The following ASPG variants were observed in gnomAD, a reference collection of about 807,000 sequenced individuals.
The protein encoded by ASPG is asparaginase.
In ASPG, 53 loss-of-function variants were observed where a neutral mutation model predicts 63.2. The ratio of observed to expected loss-of-function variants is 0.84; its 90% CI spans 0.67 to 1.05. ASPG has a LOEUF of 1.05. Among genes scored for constraint, ASPG ranks in the 50% least tolerant of loss-of-function variants. The pLI, the probability that ASPG is intolerant of heterozygous loss-of-function variation, is 0.00. For synonymous variants in ASPG, 370 were observed against 355.0 expected (o/e 1.04, Z -0.48); for missense variants, 741 against 794.4 (o/e 0.93, Z 0.81).
chr14:104,111,281 G>A (rs2037373275), intron 13 of ASPG: 4 of 848,034 alleles, frequency 4.7e-6, no homozygotes, highest in Non-Finnish European at 5.7e-6. Flanking sequence ...GTTTGCGCAT[G>A]TGTACCCGAC....
chr14:104,111,276 C>G, intron 13 of ASPG: 1 of 856,876 alleles, frequency 1.2e-6, no homozygotes, highest in Non-Finnish European at 1.4e-6. Flanking sequence ...TGTATGTTTG[C>G]GCATGTGTAC....
chr14:104,093,898 G>A (rs2036477843), intron 3 of ASPG, among the ~76,000 whole-genome samples: 1 of 148,174 alleles, frequency 6.7e-6, no homozygotes, highest in Admixed American at 6.7e-5. Context: ...GGGTGGGGCT[G>A]TGTTGTGAGT....
intron 9 of ASPG, 134 bp downstream of exon 9, chr14:104,104,869 G>A: frequency 1.3e-6 from 1 of 749,412 alleles, no homozygotes; most frequent in East Asian, 2.8e-5. Flanking sequence ...GGAAGGGGAG[G>A]GATGTGGCTC....
rs373991126 is a variant in ASPG, at chr14:104,098,913, C to T, written c.574C>T (p.Arg192Trp). Reference protein sequence around the residue: ...RGNRATKVDARRFAAFCSPNL... With the variant: ...RGNRATKVDAWRFAAFCSPNL... ...CAACCGGGCAACCAAGGTAGACGCT[C>T]GGAGGTTCGCAGCTTTCTGCTCCCC... The change falls in exon 6 of 16, where the codon CGG becomes TGG. Residue 192 changes from arginine (R) to tryptophan (W), a missense_variant. Arg to Trp is a moderately radical substitution (Grantham distance 101, BLOSUM62 -3). Transcript: ENST00000551177. 161 of 1,610,752 alleles carry T rather than the reference C, an allele frequency of 1.0e-4. No homozygotes were observed. The African/African-American group carries it at 1.0e-3, about 10-fold the overall frequency.
At position 104,110,467 on chromosome 14, in the gene ASPG, G is replaced by A; in HGVS notation, c.1521-1035G>A. ...GAGGCAGTAGTCAGGTCCTGTGGGA[G>A]CTGGGACCAGAACCCTGGTCCAGGA... On this transcript the variant is annotated intron_variant, in intron 13 of 15. Transcript: ENST00000551177. The surrounding 1 kb of genome is among the most constrained non-coding windows in gnomAD (Gnocchi z 4.7). 3 of 985,352 alleles carry A rather than the reference G, an allele frequency of 3.0e-6. No homozygotes were observed. In the South Asian group the frequency reaches 1.4e-4, roughly 46 times the overall value. 61.0% of individuals were successfully genotyped at this position (985,352 alleles called of 1,614,324 possible).
intron 3 of ASPG, 142 bp from the exon 4 acceptor site, chr14:104,095,388 AG>A: frequency 8.4e-7 from 1 of 1,191,214 alleles, no homozygotes; most frequent in African/African-American, 1.5e-5. Flanking sequence ...CTAATCTTCC[AG>A]AGAGGGACTT....
At chr14:104,096,836 C>G (rs1334653959) in intron 4 of ASPG, among the ~76,000 whole-genome samples, 1 of 152,196 alleles carries the variant, frequency 6.6e-6, no homozygotes, top group Admixed American at 6.5e-5. Context: ...ACTGCCACCC[C>G]CTGCCAGGGC....
Position 104,093,549 on chromosome 14 carries a change from G to A in ASPG, c.250G>A (p.Asp84Asn), listed in dbSNP as rs763349987. Residue 84 changes from aspartate to asparagine, a missense_variant, in exon 3 of 16, where the codon GAC (aspartate) becomes AAC (asparagine). Transcript: ENST00000551177. The part of the protein sequence containing the change: ...YTVLECQPLF[D>N]SSDMTIAEWV... The stretch of plus-strand genomic sequence containing the variant: ...CGTGCTGGAGTGCCAGCCCCTCTTC[G>A]ACTCCAGTGACATGACCATCGCTGA... The A allele has an allele frequency of 5.0e-6, 8 of 1,612,608 alleles. No individual in the cohort carries two copies. Among genetic ancestry groups the A allele is most frequent in the Non-Finnish European group, 5.9e-6 (7 of 1,179,758 alleles).
chr14:104,095,701 G>A, intron 4 of ASPG, 45 bp downstream of exon 4: 3 of 1,609,442 alleles, frequency 1.9e-6, no homozygotes, highest in Non-Finnish European at 2.5e-6. Context: ...GGCTTCCTGA[G>A]GCCACAGGGC....
intron 2 of ASPG, 176 bp from the exon 3 acceptor site, chr14:104,093,315 G>A (rs777319917): frequency 1.0e-5 from 7 of 680,602 alleles, no homozygotes; most frequent in Non-Finnish European, 1.9e-5. Context: ...GGAGCTCCAG[G>A]TGGAAGGGGG....
At chr14:104,105,565 G>A in intron 10 of ASPG, 115 bp downstream of exon 10, 3 of 1,368,714 alleles carry the variant, frequency 2.2e-6, no homozygotes, top group East Asian at 5.2e-5. Context: ...AGCCCAAACA[G>A]TTAGGCACAC....
intron 5 of ASPG, among the ~76,000 whole-genome samples, chr14:104,097,946 T>TTAGAGATGCGTATGGAGGTTCTAC (rs1566830199): frequency 2.1e-4 from 4 of 18,914 alleles, no homozygotes; most frequent in Non-Finnish European, 5.5e-4. Context: ...GGAGGTTCTG[T>TTAGAGATGCGTATGGAGGTTCTAC]GTTAGAGATG....
chr14:104,111,915 C>T lies in ASPG; in HGVS notation c.1621-5C>T. On this transcript the variant is annotated splice_region_variant and splice_polypyrimidine_tract_variant and intron_variant, in intron 14 of 15. Transcript: ENST00000551177. ...AGGCAGCCCCTCCCCACTGCTTCCC[C>T]ATAGGCAGAGGCAGCCGGGAACCTG... 1 of 1,552,742 alleles carries T rather than the reference C, an allele frequency of 6.4e-7. No individual in the cohort carries two copies. The highest frequency in any genetic ancestry group is 1.7e-4 in the Middle Eastern group (1 of 5,824).
intron 12 of ASPG, chr14:104,108,371 G>A (rs1056511252): frequency 1.1e-5 from 11 of 979,266 alleles, no homozygotes; most frequent in African/African-American, 3.5e-5. Flanking sequence ...ACACAGTCCC[G>A]CCCCCTCGTC....
At chr14:104,090,775 G>T (rs1380977029) in intron 1 of ASPG, among the ~76,000 whole-genome samples, 1 of 152,232 alleles carries the variant, frequency 6.6e-6, no homozygotes, top group African/African-American at 2.4e-5. Context: ...CCCGCCCCAT[G>T]ACCCCTAATA....
intron 3 of ASPG, among the ~76,000 whole-genome samples, chr14:104,094,527 T>C (rs777567326): frequency 4.7e-5 from 7 of 150,488 alleles, no homozygotes; most frequent in Non-Finnish European, 8.9e-5. Flanking sequence ...CTGCCTCCCC[T>C]AGTAGGGGGC....
chr14:104,109,262 C>A lies in ASPG; in HGVS notation c.1467C>A (p.Ala489=), dbSNP rs778985265. Residue 489 remains alanine, a synonymous_variant, in exon 13 of 16, where the codon GCC becomes GCA. Coordinates refer to ENST00000551177, the MANE Select transcript of ASPG (RefSeq NM_001080464.3). This position sits in a 1 kb window ranked among gnomAD's most constrained non-coding sequence, Gnocchi z 4.8. ...GTGTCATTGGGTTGCTGCGGGAAGC[C>A]GGGGCCTCCCTGTCCACCCAGGAGC... ...HPGVIGLLRE[A]GASLSTQELE... 1.2e-6 allele frequency: 2 copies of A among 1,613,114 alleles called. No homozygotes were observed. The highest frequency in any genetic ancestry group is 1.7e-6 in the Non-Finnish European group (2 of 1,179,778).
At chr14:104,106,685 G>C (rs1236747591) in intron 10 of ASPG, 114 bp from the exon 11 acceptor site, 2 of 947,012 alleles carry the variant, frequency 2.1e-6, no homozygotes, top group African/African-American at 3.3e-5. Flanking sequence ...CACGCCCTGG[G>C]ATCTGCGGGC....
chr14:104,089,650 T>C (rs1596061637), intron 1 of ASPG, among the ~76,000 whole-genome samples: 1 of 152,118 alleles, frequency 6.6e-6, no homozygotes, highest in African/African-American at 2.4e-5. Flanking sequence ...GTAAGAAAAC[T>C]TTACTGGCGA....
Sources: gnomAD v4.1 joint callset for allele counts (sites outside exome capture counted in the v4.1 genomes callset) on GRCh38, gnomAD v4.1.1 for gene constraint, Gnocchi (gnomAD v3.1) non-coding constraint, MANE v1.5 for transcripts, NCBI Gene and HGNC (gene_info 2026-07-23, HGNC 2026-07-21) for gene names.